Variants in WWOX observed in about 807,000 individuals in gnomAD.
WWOX encodes the protein WW domain containing oxidoreductase, also known as WW domain-containing oxidoreductase.
A neutral mutation model predicts 46.2 loss-of-function variants in WWOX; 69 were observed. That is an observed-to-expected ratio of 1.49 (90% CI 1.23 to 1.82). The LOEUF is 1.82. Among genes scored for constraint, WWOX ranks in the 40% most tolerant of loss-of-function variants. The pLI is 0.00. For synonymous variants in WWOX, 359 were observed against 202.6 expected, an observed-to-expected ratio of 1.77 and a Z score of -6.56; for missense variants, 919 against 542.6, an observed-to-expected ratio of 1.69 and a Z score of -6.89.
chr16:79,154,247 C>T (rs1034741080), intron 8 of WWOX, among the ~76,000 whole-genome samples: 6 of 152,220 alleles, frequency 3.9e-5, no homozygotes, highest in African/African-American at 1.2e-4. Flanking sequence ...TAAGTGTCCT[C>T]TGCCCTGGAC....
chr16:79,017,808 C>T (rs1039560596), intron 8 of WWOX, among the ~76,000 whole-genome samples: 2 of 151,944 alleles, frequency 1.3e-5, no homozygotes, highest in African/African-American at 2.4e-5. Flanking sequence ...TAACAAATTA[C>T]AGATTATCCA....
At chr16:78,756,260 C>T (rs1455926476) in intron 8 of WWOX, among the ~76,000 whole-genome samples, 1 of 152,018 alleles carries the variant, frequency 6.6e-6, no homozygotes, top group Non-Finnish European at 1.5e-5. Flanking sequence ...AAGTAGATGT[C>T]ATGTTGGCAG....
intron 8 of WWOX, among the ~76,000 whole-genome samples, chr16:78,582,300 G>A (rs943186254): frequency 2.0e-5 from 3 of 152,136 alleles, no homozygotes; most frequent in East Asian, 1.9e-4. Context: ...ATTATGTTAC[G>A]CTTGTCATCT....
At chr16:78,881,434 A>AT (rs747038451) in intron 8 of WWOX, among the ~76,000 whole-genome samples, 9 of 152,226 alleles carry the variant, frequency 5.9e-5, no homozygotes, top group Non-Finnish European at 1.2e-4. Context: ...TCCAAAATAT[A>AT]TTTTCAAGGA....
At chr16:78,946,307 A>G (rs2045947236) in intron 8 of WWOX, among the ~76,000 whole-genome samples, 1 of 152,038 alleles carries the variant, frequency 6.6e-6, no homozygotes, top group Non-Finnish European at 1.5e-5. Context: ...CTCCTGTCTC[A>G]GTCTCCCAAG....
intron 8 of WWOX, among the ~76,000 whole-genome samples, chr16:78,869,399 T>C (rs750787309): frequency 6.6e-6 from 1 of 152,198 alleles, no homozygotes; most frequent in Non-Finnish European, 1.5e-5. Flanking sequence ...TTTTTATGGA[T>C]TCTATTCTTA....
At chr16:79,117,575 G>T (rs567507587) in intron 8 of WWOX, among the ~76,000 whole-genome samples, 1 of 152,200 alleles carries the variant, frequency 6.6e-6, no homozygotes, top group African/African-American at 2.4e-5. Context: ...GCCAGGCATT[G>T]CCTTCTCCTC....
chr16:78,714,035 C>G (rs183824548), intron 8 of WWOX, among the ~76,000 whole-genome samples: 3 of 152,182 alleles, frequency 2.0e-5, no homozygotes, highest in Admixed American at 6.5e-5. Context: ...GGTAAGGGAA[C>G]TGGGGAAAAG....
intron 7 of WWOX, among the ~76,000 whole-genome samples, chr16:78,430,698 C>T (rs2083197083): frequency 6.6e-6 from 1 of 152,128 alleles, no homozygotes; most frequent in Admixed American, 6.5e-5. Context: ...AGGCAGCCAA[C>T]AATTCGTTTC....
chr16:78,398,142 G>A (rs1381196404), intron 6 of WWOX, among the ~76,000 whole-genome samples: 1 of 152,090 alleles, frequency 6.6e-6, no homozygotes, highest in East Asian at 1.9e-4. Context: ...CCAAATTGAT[G>A]GCGTGATCAC....
At chr16:78,737,470 G>C (rs534193351) in intron 8 of WWOX, among the ~76,000 whole-genome samples, 14 of 152,082 alleles carry the variant, frequency 9.2e-5, no homozygotes, top group Non-Finnish European at 1.0e-4. Context: ...GGGGGGAACA[G>C]GTGGTGTTTG....
intron 8 of WWOX, among the ~76,000 whole-genome samples, chr16:78,776,151 T>A (rs1275746032): frequency 6.6e-6 from 1 of 152,120 alleles, no homozygotes; most frequent in Non-Finnish European, 1.5e-5. Flanking sequence ...TGGCTTGGGC[T>A]AAAAAAATGA....
intron 8 of WWOX, among the ~76,000 whole-genome samples, chr16:78,915,637 C>G (rs1200233184): frequency 1.3e-5 from 2 of 152,058 alleles, no homozygotes. Flanking sequence ...CAGTCATTGA[C>G]TCAGAAGATA....
chr16:78,713,329 A>G (rs1487305631), intron 8 of WWOX, among the ~76,000 whole-genome samples: 1 of 150,582 alleles, frequency 6.6e-6, no homozygotes, highest in East Asian at 2.0e-4. Context: ...AAACTTCTAG[A>G]CAGGGCATGG....
intron 8 of WWOX, among the ~76,000 whole-genome samples, chr16:78,864,427 C>G (rs994250695): frequency 5.3e-5 from 8 of 152,084 alleles, no homozygotes; most frequent in African/African-American, 1.9e-4. Context: ...GCCACCACAC[C>G]CAGCTAAGTT....
intron 8 of WWOX, among the ~76,000 whole-genome samples, chr16:79,044,067 C>T (rs898942655): frequency 6.6e-6 from 1 of 152,140 alleles, no homozygotes; most frequent in African/African-American, 2.4e-5. Context: ...ACCCGGTGGC[C>T]TGAGAGTCAC....
chr16:78,106,853 G>A (rs571619366), intron 1 of WWOX, among the ~76,000 whole-genome samples: 1 of 152,122 alleles, frequency 6.6e-6, no homozygotes, highest in South Asian at 2.1e-4. Context: ...CATGTGTCTC[G>A]CCTTTTCAGC....
intron 8 of WWOX, chr16:78,551,085 A>T (rs1468780405): frequency 6.6e-6 from 1 of 152,246 alleles, no homozygotes; most frequent in Admixed American, 6.5e-5. Context: ...TATCATGAAT[A>T]TATTGTGTGA....
chr16:79,054,653 C>T (rs542675650), intron 8 of WWOX, among the ~76,000 whole-genome samples: 1 of 152,140 alleles, frequency 6.6e-6, no homozygotes, highest in South Asian at 2.1e-4. Flanking sequence ...GAGACCTTGT[C>T]TCTATGAAAA....
Sources: gnomAD v4.1 joint callset for allele counts (sites outside exome capture counted in the v4.1 genomes callset) on GRCh38, gnomAD v4.1.1 for gene constraint, MANE v1.5 for transcripts, NCBI Gene and HGNC (gene_info 2026-07-23, HGNC 2026-07-21) for gene names.